Variants in TSPAN5 observed in about 807,000 individuals in gnomAD.
TSPAN5 encodes the protein tetraspanin-5.
A neutral mutation model predicts 37.1 loss-of-function variants in TSPAN5; 10 were observed. The observed-to-expected ratio is 0.27, with a 90% CI of 0.17 to 0.46. The LOEUF is 0.46. Ranked by LOEUF, TSPAN5 falls within the 20% of genes least tolerant of loss-of-function variation. The probability of loss-of-function intolerance (pLI) is 1.00; values close to 1 mark genes in which losing one functional copy is unlikely to be tolerated. For missense variants in TSPAN5, 195 were observed against 326.6 expected (o/e 0.60, Z 3.11); for synonymous variants, 110 against 118.9 (o/e 0.93, Z 0.48).
chr4:98,542,348 T>C (rs1485354075), intron 1 of TSPAN5, among the ~76,000 whole-genome samples: 1 of 152,206 alleles, frequency 6.6e-6, no homozygotes, highest in Admixed American at 6.5e-5. Flanking sequence ...GCAAGCATTA[T>C]ATAAAATCAA....
intron 1 of TSPAN5, among the ~76,000 whole-genome samples, chr4:98,528,518 A>G (rs1754012552): frequency 6.6e-6 from 1 of 151,668 alleles, no homozygotes; most frequent in Admixed American, 6.6e-5. Context: ...ATGTTTACAT[A>G]GAGAATACCT....
intron 1 of TSPAN5, among the ~76,000 whole-genome samples, chr4:98,530,644 TGTCTA>T (rs1225582183): frequency 1.3e-5 from 2 of 152,204 alleles, no homozygotes; most frequent in Admixed American, 6.5e-5. Context: ...TTTTAGAGGT[TGTCTA>T]GTCTAGTTTT....
chr4:98,502,498 TTGAGGAG>T (rs1320051722), intron 2 of TSPAN5, among the ~76,000 whole-genome samples: 11 of 152,104 alleles, frequency 7.2e-5, no homozygotes, highest in Non-Finnish European at 1.2e-4. Context: ...GTTTCTCGAA[TTGAGGAG>T]TGATGTATTA....
chr4:98,487,074 G>C (rs944933512), intron 2 of TSPAN5, among the ~76,000 whole-genome samples, 190 bp from the exon 3 acceptor site: 6 of 140,840 alleles, frequency 4.3e-5, no homozygotes, highest in Non-Finnish European at 7.6e-5. Context: ...AAGAAAGAGT[G>C]AGAAAGAAAG....
At chr4:98,605,773 A>G (rs1402352819) in intron 1 of TSPAN5, among the ~76,000 whole-genome samples, 10 of 152,120 alleles carry the variant, frequency 6.6e-5, no homozygotes, top group Non-Finnish European at 1.3e-4. Context: ...AAATTCACCC[A>G]TTTATAGTTA....
intron 2 of TSPAN5, among the ~76,000 whole-genome samples, chr4:98,489,928 A>G (rs1449617104): frequency 6.6e-6 from 1 of 152,178 alleles, no homozygotes; most frequent in Non-Finnish European, 1.5e-5. Context: ...AATACCACCA[A>G]GTCTGTTCAA....
intron 1 of TSPAN5, among the ~76,000 whole-genome samples, chr4:98,583,159 C>A (rs563227025): frequency 6.6e-6 from 1 of 152,156 alleles, no homozygotes; most frequent in East Asian, 1.9e-4. Context: ...CTATTTTCTA[C>A]CTCATTTTAT....
intron 1 of TSPAN5, among the ~76,000 whole-genome samples, chr4:98,571,664 T>A (rs907079509): frequency 6.6e-6 from 1 of 152,052 alleles, no homozygotes; most frequent in Admixed American, 6.6e-5. Flanking sequence ...CGGTGGAAGG[T>A]TAGCCTTGAG....
rs565997604 is a variant in TSPAN5, at chr4:98,527,717, G to C, written c.82-19989C>G. On this transcript the variant is annotated intron_variant, in intron 1 of 7. Coordinates refer to ENST00000305798, the MANE Select transcript of TSPAN5 (RefSeq NM_005723.4). ...ATCCTACCTACCTCCGGGAACAACT[G>C]TGAGGACTAACGGTGTAATCTATGA... is the stretch of plus-strand genomic sequence containing the variant. 9.2e-5 allele frequency among the ~76,000 whole-genome samples: 14 copies of C among 152,298 alleles called. No homozygotes were observed. The South Asian group carries it at 1.9e-3, about 20-fold the overall frequency.
chr4:98,545,018 G>C (rs774839649), intron 1 of TSPAN5, among the ~76,000 whole-genome samples: 9 of 152,174 alleles, frequency 5.9e-5, no homozygotes, highest in Non-Finnish European at 1.2e-4. Context: ...GCAAGTACAT[G>C]ACCCAGGACA....
chr4:98,485,507 G>A (rs1181616817), intron 3 of TSPAN5: 1 of 152,158 alleles, frequency 6.6e-6, no homozygotes, highest in Non-Finnish European at 1.5e-5. Flanking sequence ...AGAACCAGCT[G>A]CTTGTGAACT....
At chr4:98,588,583 T>C (rs370818386) in intron 1 of TSPAN5, among the ~76,000 whole-genome samples, 48 of 152,350 alleles carry the variant, frequency 3.2e-4, no homozygotes, top group African/African-American at 9.6e-4. Flanking sequence ...TGTTGAAATC[T>C]TCCAGTTTTC....
At chr4:98,628,226 G>A (rs576667928) in intron 1 of TSPAN5, among the ~76,000 whole-genome samples, 2 of 152,188 alleles carry the variant, frequency 1.3e-5, no homozygotes, top group East Asian at 3.9e-4. Context: ...TAAGGTATAA[G>A]GGTTTTTTTC....
At chr4:98,508,391 C>A (rs1017108745) in intron 1 of TSPAN5, among the ~76,000 whole-genome samples, 2 of 152,124 alleles carry the variant, frequency 1.3e-5, no homozygotes, top group Non-Finnish European at 2.9e-5. Flanking sequence ...CGCATTCAGC[C>A]CTAAGGCAGA....
chr4:98,645,274 G>A (rs1055379386), intron 1 of TSPAN5, among the ~76,000 whole-genome samples: 1 of 152,204 alleles, frequency 6.6e-6, no homozygotes, highest in African/African-American at 2.4e-5. Context: ...TAGCTACCTA[G>A]AAGTTAGTAA....
rs191374390 is a variant in TSPAN5 at position 98,569,505 on chromosome 4, C to A, written c.82-61777G>T. Among the ~76,000 whole-genome samples, 3 of 152,248 alleles carry A rather than the reference C, an allele frequency of 2.0e-5. No individual in the cohort carries two copies. The East Asian group carries it at 5.8e-4, about 29-fold the overall frequency. ...TGTGGGAGGCAGCCTGATCTGGCTG[C>A]GGCAGAGTGCAGGATGGCTGGGGGT... On this transcript the variant is annotated intron_variant, in intron 1 of 7. Transcript: ENST00000305798.
chr4:98,584,335 C>T (rs903435817), intron 1 of TSPAN5, among the ~76,000 whole-genome samples: 1 of 152,152 alleles, frequency 6.6e-6, no homozygotes, highest in East Asian at 1.9e-4. Flanking sequence ...AGTGAAAATA[C>T]TCATTTCTTT....
chr4:98,521,799 T>C (rs1203118641), intron 1 of TSPAN5, among the ~76,000 whole-genome samples: 1 of 152,200 alleles, frequency 6.6e-6, no homozygotes. Context: ...TCTATGCCTA[T>C]ATATCTGTGT....
intron 1 of TSPAN5, among the ~76,000 whole-genome samples, chr4:98,554,179 T>C (rs1165763968): frequency 6.6e-6 from 1 of 152,222 alleles, no homozygotes; most frequent in Non-Finnish European, 1.5e-5. Context: ...TTCCATTTTA[T>C]ACTTGAACAA....
Sources: allele counts gnomAD v4.1 joint callset (sites outside exome capture counted in the v4.1 genomes callset), GRCh38; gene constraint gnomAD v4.1.1; transcripts MANE v1.5; gene names NCBI Gene and HGNC (gene_info 2026-07-23, HGNC 2026-07-21).